BNC2: variants seen among roughly 807,000 people sequenced by gnomAD.
BNC2 encodes zinc finger protein basonuclin-2.
Under a neutral mutation model 76.3 loss-of-function variants are expected in BNC2, and 20 were observed. That is an observed-to-expected ratio of 0.26 (90% CI 0.18 to 0.38). The LOEUF is 0.38. Among genes scored for constraint, BNC2 ranks in the 10% least tolerant of loss-of-function variants. The pLI, the probability that BNC2 is intolerant of heterozygous loss-of-function variation, is 1.00. For missense variants in BNC2, 1,382 were observed against 1,399.8 expected (o/e 0.99, Z 0.20); for synonymous variants, 582 against 514.8 (o/e 1.13, Z -1.77).
chr9:16,771,883 T>C (rs1339597108), intron 1 of BNC2, among the ~76,000 whole-genome samples: 2 of 152,216 alleles, frequency 1.3e-5, no homozygotes, highest in Non-Finnish European at 2.9e-5. Flanking sequence ...TTGAAATATT[T>C]TAGCAAGCAC....
At chr9:16,574,132 T>A (rs1295258834) in intron 4 of BNC2, among the ~76,000 whole-genome samples, 1 of 152,062 alleles carries the variant, frequency 6.6e-6, no homozygotes, top group African/African-American at 2.4e-5. Context: ...AGGAGTTGAG[T>A]GTGTTTCATT....
intron 5 of BNC2, among the ~76,000 whole-genome samples, chr9:16,542,512 T>C (rs962308513): frequency 6.6e-6 from 1 of 152,210 alleles, no homozygotes; most frequent in Non-Finnish European, 1.5e-5. Flanking sequence ...TCTAAAACAA[T>C]TGTTCATGCA....
chr9:16,469,192 A>AAC (rs1821763429), intron 5 of BNC2, among the ~76,000 whole-genome samples: 1 of 107,166 alleles, frequency 9.3e-6, no homozygotes, highest in African/African-American at 4.1e-5. Flanking sequence ...AGCTCAGAAA[A>AAC]AGTGAACATG....
chr9:16,575,523 A>C, intron 4 of BNC2: 1 of 783,382 alleles, frequency 1.3e-6, no homozygotes, highest in South Asian at 5.8e-5. Flanking sequence ...GCACCATCCA[A>C]AAAGTGTGCA....
At chr9:16,510,612 A>G (rs1337235975) in intron 5 of BNC2, among the ~76,000 whole-genome samples, 2 of 152,234 alleles carry the variant, frequency 1.3e-5, no homozygotes, top group Non-Finnish European at 2.9e-5. Context: ...TCTTTTTCCT[A>G]GGTCAGAAAT....
intron 3 of BNC2, among the ~76,000 whole-genome samples, chr9:16,706,122 C>T (rs1823664823): frequency 6.6e-6 from 1 of 152,082 alleles, no homozygotes. Context: ...TCTCATGTAG[C>T]CCTTTATAAC....
intron 3 of BNC2, among the ~76,000 whole-genome samples, chr9:16,676,941 A>C (rs1822661402): frequency 6.6e-6 from 1 of 152,256 alleles, no homozygotes; most frequent in Non-Finnish European, 1.5e-5. Flanking sequence ...AGGCGAATTA[A>C]GAAAGATAAA....
intron 5 of BNC2, among the ~76,000 whole-genome samples, chr9:16,481,316 G>A (rs1009605009): frequency 7.9e-5 from 12 of 152,042 alleles, no homozygotes; most frequent in Admixed American, 3.9e-4. Flanking sequence ...GTGGCAACCC[G>A]CTCGGGTCCC....
chr9:16,671,036 A>G (rs755977173), intron 3 of BNC2, among the ~76,000 whole-genome samples: 1 of 152,164 alleles, frequency 6.6e-6, no homozygotes, highest in Non-Finnish European at 1.5e-5. Flanking sequence ...TCAGACGGCC[A>G]TACGGATCAA....
At chr9:16,651,268 T>G (rs992161880) in intron 3 of BNC2, among the ~76,000 whole-genome samples, 1 of 152,214 alleles carries the variant, frequency 6.6e-6, no homozygotes, top group Non-Finnish European at 1.5e-5. Flanking sequence ...TGAGAATCTG[T>G]TTATTCAATT....
At chr9:16,481,254 G>A (rs981874565) in intron 5 of BNC2, among the ~76,000 whole-genome samples, 1 of 152,124 alleles carries the variant, frequency 6.6e-6, no homozygotes, top group Non-Finnish European at 1.5e-5. Flanking sequence ...CCAATCAGCA[G>A]GATGTGGGTG....
At chr9:16,629,761 T>A (rs1177345162) in intron 3 of BNC2, among the ~76,000 whole-genome samples, 1 of 152,186 alleles carries the variant, frequency 6.6e-6, no homozygotes, top group African/African-American at 2.4e-5. Flanking sequence ...ACAGCATACA[T>A]ACATCTAAAA....
chr9:16,804,655 C>T (rs539775241), intron 1 of BNC2, among the ~76,000 whole-genome samples: 42 of 152,290 alleles, frequency 2.8e-4, no homozygotes, highest in African/African-American at 8.4e-4. Flanking sequence ...GAGTATGATA[C>T]GCACAGAATG....
intron 3 of BNC2, among the ~76,000 whole-genome samples, chr9:16,611,577 T>C (rs1461573044): frequency 1.3e-5 from 2 of 152,126 alleles, no homozygotes; most frequent in Non-Finnish European, 2.9e-5. Context: ...GCCAGAGCTA[T>C]TGTTTAAATG....
intron 1 of BNC2, among the ~76,000 whole-genome samples, chr9:16,747,000 T>A (rs971888531): frequency 6.6e-6 from 1 of 151,258 alleles, no homozygotes; most frequent in African/African-American, 2.4e-5. Flanking sequence ...TGAAAAAGAA[T>A]TATACTTTCC....
chr9:16,828,584 A>G (rs190125242), intron 1 of BNC2, among the ~76,000 whole-genome samples: 1 of 152,214 alleles, frequency 6.6e-6, no homozygotes, highest in Non-Finnish European at 1.5e-5. Context: ...TAAAAACAGG[A>G]AAGTTTTCAG....
chr9:16,775,113 G>T (rs1448733057), intron 1 of BNC2, among the ~76,000 whole-genome samples: 2 of 152,186 alleles, frequency 1.3e-5, no homozygotes, highest in African/African-American at 4.8e-5. Context: ...TGCCAGGAAT[G>T]CAAATTATCA....
At chr9:16,782,477 A>C (rs560274274) in intron 1 of BNC2, among the ~76,000 whole-genome samples, 2 of 152,254 alleles carry the variant, frequency 1.3e-5, no homozygotes, top group African/African-American at 2.4e-5. Flanking sequence ...CTAGTTGCCT[A>C]AAGTTTTTAC....
chr9:16,437,289 T>C lies in BNC2; in HGVS notation c.905A>G (p.Glu302Gly). 1 of 1,614,184 alleles carries C rather than the reference T, an allele frequency of 6.2e-7. No individual in the cohort carries two copies. Residue 302 changes from glutamate (E) to glycine (G), a missense_variant, in exon 6 of 7, where the codon GAG (glutamate) becomes GGG (glycine). Glu to Gly is a moderately conservative substitution (Grantham distance 98). Around this residue, in one of 3 missense-constraint regions of BNC2, gnomAD observed 557 missense variants for 540.9 expected, o/e 1.03. Transcript: ENST00000380672. ...ATGAATGCTGGAAGGATTGCTGTTC[T>C]CTAAGTGAGCAAGGAGGCTGGGACT... ...TRSPSLLAHL[E>G]NSNPSSIHHF...
Sources: gnomAD v4.1 joint callset for allele counts (sites outside exome capture counted in the v4.1 genomes callset) on GRCh38, gnomAD v4.1.1 for gene constraint, gnomAD v4.1.1 regional missense constraint, MANE v1.5 for transcripts, NCBI Gene and HGNC (gene_info 2026-07-23, HGNC 2026-07-21) for gene names.